Variants in ANKRD30B observed in about 807,000 individuals in gnomAD.
The protein encoded by ANKRD30B is ankyrin repeat domain 30B, also known as ankyrin repeat domain-containing protein 30B.
In ANKRD30B, 144 loss-of-function variants were observed where a neutral mutation model predicts 202.2. The ratio of observed to expected loss-of-function variants is 0.71; its 90% CI spans 0.62 to 0.82. The LOEUF (loss-of-function observed/expected upper bound fraction) is 0.82. Among genes scored for constraint, ANKRD30B ranks in the 40% least tolerant of loss-of-function variants. The probability of loss-of-function intolerance (pLI) is 0.00; values close to 1 mark genes in which losing one functional copy is unlikely to be tolerated. For missense variants in ANKRD30B, 1,487 were observed against 1,669.1 expected (o/e 0.89, Z 1.90); for synonymous variants, 508 against 561.3 (o/e 0.91, Z 1.34).
the ANKRD30B span, among the ~76,000 whole-genome samples, chr18:14,916,585 G>GAC: frequency 6.6e-6 from 1 of 152,174 alleles, no homozygotes; most frequent in Admixed American, 6.5e-5. Flanking sequence ...AGCAGAAAAT[G>GAC]ACAGAGAGAG....
chr18:14,828,727 A>G (rs1464946899), intron 33 of ANKRD30B, among the ~76,000 whole-genome samples: 3 of 152,226 alleles, frequency 2.0e-5, no homozygotes, highest in Non-Finnish European at 2.9e-5. Context: ...GATTTCCCAT[A>G]GAACATTGAT....
chr18:14,795,447 T>C (rs1023111144), intron 16 of ANKRD30B, among the ~76,000 whole-genome samples: 10 of 152,188 alleles, frequency 6.6e-5, no homozygotes, highest in Non-Finnish European at 1.5e-4. Context: ...TCCGCCCTCT[T>C]CAGGCGTCCA....
rs1354654612 is a variant in ANKRD30B, at chr18:14,793,710, C to T, written c.1825+2219C>T. On this transcript the variant is annotated intron_variant, in intron 16 of 43. Transcript: ENST00000690538. ...GAGATCCAGACCATCCTGGCTAACA[C>T]GGTGAAACCCCATCTCTAATAAAAA... Among the ~76,000 whole-genome samples the T allele has an allele frequency of 4.0e-5, 6 of 151,808 alleles. No individual in the cohort carries two copies. In the East Asian group the frequency reaches 5.8e-4, roughly 15 times the overall value.
intron 39 of ANKRD30B, among the ~76,000 whole-genome samples, chr18:14,844,053 T>C (rs1458304397): frequency 1.3e-5 from 2 of 152,224 alleles, no homozygotes; most frequent in Non-Finnish European, 2.9e-5. Flanking sequence ...GTACATTGTG[T>C]AATTTTCTGT....
At chr18:14,850,168 T>A (rs1337078317) in intron 40 of ANKRD30B, 46 bp from the exon 41 acceptor site, 1 of 1,230,984 alleles carries the variant, frequency 8.1e-7, no homozygotes, top group African/African-American at 1.6e-5. Flanking sequence ...AAGTGAATTC[T>A]ATTTTCTAAC....
chr18:14,900,294 T>C, the ANKRD30B span, among the ~76,000 whole-genome samples: 1 of 152,186 alleles, frequency 6.6e-6, no homozygotes, highest in Admixed American at 6.5e-5. Context: ...CTTTCTCTTA[T>C]TTGTCATTGG....
the ANKRD30B span, among the ~76,000 whole-genome samples, chr18:14,902,690 C>T: frequency 6.6e-6 from 1 of 152,166 alleles, no homozygotes; most frequent in Non-Finnish European, 1.5e-5. Context: ...AGCCGTGAGA[C>T]AATGATCCCA....
At chr18:14,792,612 T>A (rs1968600310) in intron 16 of ANKRD30B, among the ~76,000 whole-genome samples, 1 of 151,930 alleles carries the variant, frequency 6.6e-6, no homozygotes, top group African/African-American at 2.4e-5. Flanking sequence ...TTTAGAATAT[T>A]TTCACTGCAG....
the ANKRD30B span, among the ~76,000 whole-genome samples, chr18:14,940,764 T>C: frequency 6.6e-6 from 1 of 152,234 alleles, no homozygotes; most frequent in Non-Finnish European, 1.5e-5. Context: ...AGCTGGGAAT[T>C]GACAATCTCT....
rs559217573 is a variant in ANKRD30B at position 14,809,633 on chromosome 18, A to G, written c.2387-353A>G. 9.3e-5 allele frequency among the ~76,000 whole-genome samples: 14 copies of G among 150,944 alleles called. 1 individual carries two copies. The South Asian group carries it at 1.5e-3, about 16-fold the overall frequency. On this transcript the variant is annotated intron_variant, in intron 26 of 43. Coordinates refer to ENST00000690538, the MANE Select transcript of ANKRD30B (RefSeq NM_001367607.2). Reference sequence around the variant, plus strand: ...TCTGGGATAGGAATCTTGGTGATGCAAAACCTCCCTGACTGCACGTCCATT... The same window carrying G: ...TCTGGGATAGGAATCTTGGTGATGCGAAACCTCCCTGACTGCACGTCCATT...
chr18:14,879,992 T>G, the ANKRD30B span, among the ~76,000 whole-genome samples: 504 of 152,236 alleles, frequency 3.3e-3, 9 homozygotes, highest in East Asian at 0.078. Flanking sequence ...CAGTGTTATC[T>G]TGTAGAATTT....
At position 14,774,193 on chromosome 18, in the gene ANKRD30B, A is replaced by G. The variant is rs147896852; in HGVS notation, c.1329+1965A>G. ...TTACCCAGGTATTAACAAATAACTA[A>G]TTGTAGTGTAAATACTGATCAGCAT... On this transcript the variant is annotated intron_variant, in intron 9 of 43. Coordinates refer to ENST00000690538, the MANE Select transcript of ANKRD30B (RefSeq NM_001367607.2). Among the ~76,000 whole-genome samples, 300 of 152,244 alleles carry G rather than the reference A, an allele frequency of 2.0e-3. 1 individual carries two copies. The highest frequency in any genetic ancestry group is 6.8e-3 in the Middle Eastern group (2 of 294).
chr18:14,905,920 T>A, the ANKRD30B span: 5 of 152,202 alleles, frequency 3.3e-5, no homozygotes, highest in Admixed American at 2.0e-4. Flanking sequence ...AGAAGGGGTA[T>A]AATGAGGCAT....
chr18:14,821,190 C>A (rs1353181811), intron 30 of ANKRD30B, among the ~76,000 whole-genome samples: 1 of 152,128 alleles, frequency 6.6e-6, no homozygotes, highest in African/African-American at 2.4e-5. Flanking sequence ...GTTTGTATTT[C>A]TGTGGGATCG....
chr18:14,882,353 G>A, the ANKRD30B span, among the ~76,000 whole-genome samples: 123 of 152,158 alleles, frequency 8.1e-4, no homozygotes, highest in Middle Eastern at 3.4e-3. Flanking sequence ...TCGTGATTTC[G>A]TTTTTCACCC....
Position 14,754,945 on chromosome 18 carries a change from A to C in ANKRD30B, c.557A>C (p.Gln186Pro), listed in dbSNP as rs536644233. The change falls in exon 4 of 44, where the codon CAA becomes CCA. Residue 186 changes from glutamine (Q) to proline (P), a missense_variant. This residue lies in a region of ANKRD30B where 889 missense variants were observed against 841.4 expected (regional missense o/e 1.06). Coordinates refer to ENST00000690538, the MANE Select transcript of ANKRD30B (RefSeq NM_001367607.2). Reference protein sequence around the residue: ...LLLAIQKRSKQTVEFLLTKNA... With the variant: ...LLLAIQKRSKPTVEFLLTKNA... ...CTGGCCATACAGAAAAGAAGCAAGC[A>C]AACTGTGGAATTTTTACTAACAAAA... The C allele has an allele frequency of 4.0e-5, 62 of 1,560,950 alleles. No homozygotes were observed. In the African/African-American group the frequency reaches 8.1e-4, roughly 20 times the overall value.
chr18:14,893,958 A>G, the ANKRD30B span, among the ~76,000 whole-genome samples: 1 of 151,370 alleles, frequency 6.6e-6, no homozygotes, highest in African/African-American at 2.4e-5. Context: ...GTTCAAAAAT[A>G]TAAATAAAAG....
chr18:14,763,130 T>C (rs985023707), intron 6 of ANKRD30B, among the ~76,000 whole-genome samples: 1 of 152,170 alleles, frequency 6.6e-6, no homozygotes, highest in African/African-American at 2.4e-5. Context: ...ATTACTTTAT[T>C]TAGTGTTTAC....
chr18:14,769,445 T>A, intron 8 of ANKRD30B, 72 bp downstream of exon 8: 1 of 1,203,210 alleles, frequency 8.3e-7, no homozygotes, highest in Non-Finnish European at 1.2e-6. Flanking sequence ...CACTATCTGC[T>A]GAGTATTCTA....
Sources: allele counts gnomAD v4.1 joint callset (sites outside exome capture counted in the v4.1 genomes callset), GRCh38; gene constraint gnomAD v4.1.1; regional missense constraint gnomAD v4.1.1; transcripts MANE v1.5; gene names NCBI Gene and HGNC (gene_info 2026-07-23, HGNC 2026-07-21).